The following TOP3A variants were observed in gnomAD, a reference collection of about 807,000 sequenced individuals.
TOP3A encodes DNA topoisomerase III alpha, also known as DNA topoisomerase 3-alpha.
TOP3A carries 64 observed loss-of-function variants against 111.3 expected under a neutral mutation model. The observed-to-expected ratio is 0.57, with a 90% CI of 0.47 to 0.71. TOP3A has a LOEUF of 0.71. TOP3A is among the 30% of genes least tolerant of loss of function. The pLI is 0.00. For synonymous variants in TOP3A, 484 were observed against 485.1 expected (o/e 1.00, Z 0.03); for missense variants, 1,104 against 1,285.0 (o/e 0.86, Z 2.15).
chr17:18,282,566 C>G (rs1035933914), intron 16 of TOP3A, 132 bp downstream of exon 16: 1 of 1,295,470 alleles, frequency 7.7e-7, no homozygotes, highest in Non-Finnish European at 1.1e-6. Context: ...AGGCCAACAC[C>G]TTGCCTGCAG....
rs1366078407 is a variant in TOP3A at position 18,274,461 on chromosome 17, A to AG, written c.*340dup. 5.4e-6 allele frequency: 1 copy of AG among 184,656 alleles called. No individual in the cohort carries two copies. Among genetic ancestry groups the AG allele is most frequent in the East Asian group, 1.3e-4 (1 of 7,600 alleles). The allele number at this position is 184,656 out of a possible 1,614,324, so 11.4% of individuals were successfully genotyped here. The stretch of plus-strand genomic sequence containing the variant: ...TGCAGGTGAAGGAAGCAGCCCTGGG[A>AG]GCTTCTTCCTTTGGCACACAGTGGG... On this transcript the variant is annotated 3_prime_UTR_variant, in exon 19 of 19. Transcript: ENST00000321105.
chr17:18,309,976 C>A (rs969914032), intron 1 of TOP3A, among the ~76,000 whole-genome samples: 1 of 151,728 alleles, frequency 6.6e-6, no homozygotes, highest in Non-Finnish European at 1.5e-5. Flanking sequence ...TCCCAAAGTG[C>A]TGGGATTACA....
In TOP3A at chr17:18,292,488, G is replaced by A. The variant is rs1185944401; in HGVS notation, c.1281+157C>T. Among the ~76,000 whole-genome samples, 53 of 152,132 alleles carry A rather than the reference G, an allele frequency of 3.5e-4. 1 individual carries two copies. The highest frequency in any genetic ancestry group is 3.5e-3 in the Admixed American group (53 of 15,266). ...GGCCCACCACGGGGAGGGATGAGGC[G>A]GTCTTTATCAAAGCCAGGCAGAGGA... On this transcript the variant is annotated intron_variant, in intron 11 of 18. Coordinates refer to ENST00000321105, the MANE Select transcript of TOP3A (RefSeq NM_004618.5).
chr17:18,308,828 G>C, intron 2 of TOP3A, 54 bp downstream of exon 2: 2 of 1,216,186 alleles, frequency 1.6e-6, no homozygotes, highest in Non-Finnish European at 2.3e-6. Flanking sequence ...TGACGAGGCT[G>C]ACTACTTTCT....
intron 1 of TOP3A, chr17:18,313,363 C>G (rs1982030053): frequency 6.6e-6 from 1 of 152,486 alleles, no homozygotes; most frequent in South Asian, 2.1e-4. Context: ...CTCTAAGAAC[C>G]AAGATCTTTC....
Position 18,314,730 on chromosome 17 carries a change from C to G in TOP3A, c.49G>C (p.Glu17Gln). The change falls in exon 1 of 19, where the codon GAA (glutamate) becomes CAA (glutamine). Residue 17 changes from glutamate to glutamine, a missense_variant. Physicochemically the swap from Glu to Gln is conservative, Grantham distance 29 (BLOSUM62 2). Transcript: ENST00000321105. Reference protein sequence around the residue: ...RYALRWLRRPEDRAFSRAAME... With the variant: ...RYALRWLRRPQDRAFSRAAME... The stretch of plus-strand genomic sequence containing the variant: ...GCGGCGCGGGAAAAGGCACGGTCTT[C>G]GGGCCGTCGCAGCCACCGGAGCGCG... 6.3e-7 allele frequency: 1 copy of G among 1,586,596 alleles called. No homozygotes were observed.
intron 9 of TOP3A, among the ~76,000 whole-genome samples, 165 bp downstream of exon 9, chr17:18,299,394 C>A (rs1202591143): frequency 6.6e-6 from 1 of 152,146 alleles, no homozygotes; most frequent in Non-Finnish European, 1.5e-5. Flanking sequence ...AACAAAAAAA[C>A]AAACAGTGAG....
In TOP3A at chr17:18,298,028, G is replaced by A. The variant is rs578129210; in HGVS notation, c.990+1531C>T. Among the ~76,000 whole-genome samples the A allele has an allele frequency of 2.7e-3, 408 of 151,054 alleles. 4 individuals carry two copies. The highest frequency in any genetic ancestry group is 9.3e-3 in the African/African-American group (381 of 40,948). Reference sequence around the variant, plus strand: ...CATCTGGGAAGTGAGGAGCGTCTCTGCCCGGCCGCCCATCGTCTGAGATGT... The same window carrying A: ...CATCTGGGAAGTGAGGAGCGTCTCTACCCGGCCGCCCATCGTCTGAGATGT... On this transcript the variant is annotated intron_variant, in intron 9 of 18. Coordinates refer to ENST00000321105, the MANE Select transcript of TOP3A (RefSeq NM_004618.5).
chr17:18,302,277 G>C lies in TOP3A; in HGVS notation c.801C>G (p.Phe267Leu). Residue 267 changes from phenylalanine (F) to leucine (L), a missense_variant, in exon 7 of 19, where the codon TTC becomes TTG. By Grantham distance (22) the Phe-to-Leu change is conservative. Transcript: ENST00000321105. ...KAIQAFVPEI[F>L]HRIKVTHDHK... is the part of the protein sequence containing the mutation. ...TCCAGGCCCTACCTTTAATTCTGTG[G>C]AAGATTTCTGGTACAAAAGCCTGAA... 1 of 1,610,188 alleles carries C rather than the reference G, an allele frequency of 6.2e-7. No individual in the cohort carries two copies. Among genetic ancestry groups the C allele is most frequent in the East Asian group, 2.2e-5 (1 of 44,870 alleles).
Position 18,299,546 on chromosome 17 carries a change from G to A in TOP3A, c.990+13C>T, listed in dbSNP as rs762601416. The A allele has an allele frequency of 3.7e-6, 6 of 1,613,466 alleles. No homozygotes were observed. The highest frequency in any genetic ancestry group is 5.1e-6 in the Non-Finnish European group (6 of 1,179,506). ...GTTCCCCGAGTGCCTGAAACAGCCT[G>A]TCTGGAACATACCACAGTGTCCAAG... On this transcript the variant is annotated intron_variant, in intron 9 of 18. Coordinates refer to ENST00000321105, the MANE Select transcript of TOP3A (RefSeq NM_004618.5).
At position 18,302,387 on chromosome 17, in the gene TOP3A, G is replaced by GA; in HGVS notation, c.690dup (p.Pro231SerfsTer2). On this transcript the variant is annotated frameshift_variant, in exon 7 of 19. Transcript: ENST00000321105. LOFTEE classifies it high-confidence loss of function. ...ATGAGCTGCTCTGCCAGCACCTCAG[G>GA]AAAAATCCTCTGAAGCCGCAGGGTC... is the stretch of plus-strand genomic sequence containing the variant. 6.2e-7 allele frequency: 1 copy of GA among 1,613,312 alleles called. No homozygotes were observed. The highest frequency in any genetic ancestry group is 8.5e-7 in the Non-Finnish European group (1 of 1,179,978).
intron 8 of TOP3A, among the ~76,000 whole-genome samples, chr17:18,299,884 G>C (rs1371326928): frequency 1.3e-5 from 2 of 152,176 alleles, no homozygotes; most frequent in African/African-American, 4.8e-5. Flanking sequence ...TTCCACCAGA[G>C]CCTATGAAAT....
At chr17:18,309,832 C>T (rs1981806060) in intron 1 of TOP3A, among the ~76,000 whole-genome samples, 2 of 149,874 alleles carry the variant, frequency 1.3e-5, no homozygotes, top group African/African-American at 4.9e-5. Context: ...GCCTCAGCCT[C>T]CCGAGTAGCT....
chr17:18,309,758 G>A lies in TOP3A; in HGVS notation c.181-817C>T, dbSNP rs188310363. Reference sequence around the variant, plus strand: ...GGAGTCTGGCTCTGTCGCCCAGGCTGGAGTCCAGTGGCGTGATCTCGGCTC... The same window carrying A: ...GGAGTCTGGCTCTGTCGCCCAGGCTAGAGTCCAGTGGCGTGATCTCGGCTC... On this transcript the variant is annotated intron_variant, in intron 1 of 18. Transcript: ENST00000321105. 1.1e-4 allele frequency among the ~76,000 whole-genome samples: 15 copies of A among 141,278 alleles called. 1 individual carries two copies. Among genetic ancestry groups the A allele is most frequent in the Non-Finnish European group, 1.4e-4 (9 of 66,098 alleles). 92.7% of individuals were successfully genotyped at this position (141,278 alleles called of 152,430 possible).
At chr17:18,290,510 G>A (rs761789794) in intron 13 of TOP3A, 47 bp downstream of exon 13, 16 of 1,508,868 alleles carry the variant, frequency 1.1e-5, no homozygotes, top group Non-Finnish European at 1.2e-5. Flanking sequence ...CTGGTACACT[G>A]TAAGCCTTAG....
At chr17:18,297,946 C>G (rs1311572078) in intron 9 of TOP3A, among the ~76,000 whole-genome samples, 10 of 151,588 alleles carry the variant, frequency 6.6e-5, no homozygotes, top group Admixed American at 6.6e-4. Context: ...AGGAGCGTCT[C>G]TGCCCGGCCG....
At position 18,274,957 on chromosome 17, in the gene TOP3A, T is replaced by C. The variant is rs892283778; in HGVS notation, c.2851A>G (p.Thr951Ala). The C allele has an allele frequency of 2.5e-5, 41 of 1,613,862 alleles. No individual in the cohort carries two copies. Among genetic ancestry groups the C allele is most frequent in the Non-Finnish European group, 3.1e-5 (36 of 1,180,000 alleles). ...APGTSGAPSW[T>A]GDRGRTLESE... ...TCCAGGGTTCTTCCTCTGTCTCCTG[T>C]CCAGGACGGGGCTCCAGAAGTCCCT... The change falls in exon 19 of 19, where the codon ACA (threonine) becomes GCA (alanine). Residue 951 changes from threonine to alanine, a missense_variant. Physicochemically the swap from Thr to Ala is moderately conservative, Grantham distance 58. Coordinates refer to ENST00000321105, the MANE Select transcript of TOP3A (RefSeq NM_004618.5).
rs1314603113 is a variant in TOP3A at position 18,288,100 on chromosome 17, CTGTA to C, written c.1597+2453_1597+2456del. Reference sequence around the variant, plus strand: ...ACATTATACATTTGAAGGAGATAAACTGTATGGTATATAAATAAAGCTGTTAATA... The same window carrying C: ...ACATTATACATTTGAAGGAGATAAACTGGTATATAAATAAAGCTGTTAATA... On this transcript the variant is annotated intron_variant, in intron 13 of 18. Transcript: ENST00000321105. Among the ~76,000 whole-genome samples, 4 of 144,388 alleles carry C rather than the reference CTGTA, an allele frequency of 2.8e-5. No individual in the cohort carries two copies. In the East Asian group the frequency reaches 6.0e-4, roughly 22 times the overall value. 94.7% of individuals were successfully genotyped at this position (144,388 alleles called of 152,430 possible).
intron 1 of TOP3A, chr17:18,313,449 T>A (rs1247724993): frequency 6.4e-6 from 1 of 156,754 alleles, no homozygotes; most frequent in Non-Finnish European, 1.4e-5. Flanking sequence ...GCCAGCCTGT[T>A]CCATTGAGGG....
Sources: allele counts gnomAD v4.1 joint callset (sites outside exome capture counted in the v4.1 genomes callset), GRCh38; gene constraint gnomAD v4.1.1; transcripts MANE v1.5; gene names NCBI Gene and HGNC (gene_info 2026-07-23, HGNC 2026-07-21).